Variants in ACVR2A observed in about 807,000 individuals in gnomAD.
ACVR2A encodes the protein activin receptor type-2A.
A neutral mutation model predicts 61.4 loss-of-function variants in ACVR2A; 7 were observed. That is an observed-to-expected ratio of 0.11 (90% CI 0.06 to 0.21). ACVR2A has a LOEUF of 0.21. ACVR2A is among the 10% of genes least tolerant of loss of function. ACVR2A has a pLI of 1.00. For missense variants in ACVR2A, 322 were observed against 621.7 expected (o/e 0.52, Z 5.13); for synonymous variants, 193 against 208.3 (o/e 0.93, Z 0.63).
At chr2:147,922,704 C>T (rs1687413417) in intron 8 of ACVR2A, among the ~76,000 whole-genome samples, 1 of 151,966 alleles carries the variant, frequency 6.6e-6, no homozygotes, top group African/African-American at 2.4e-5. Flanking sequence ...GAAAAGTATG[C>T]AGCATCCTTC....
chr2:147,855,447 G>A (rs1164794138), intron 1 of ACVR2A, among the ~76,000 whole-genome samples: 5 of 152,188 alleles, frequency 3.3e-5, no homozygotes. Flanking sequence ...TTAAGGAAGA[G>A]CAGATCTGGG....
intron 2 of ACVR2A, 128 bp downstream of exon 2, chr2:147,896,636 T>C (rs1686739614): frequency 7.6e-6 from 6 of 790,496 alleles, no homozygotes; most frequent in Non-Finnish European, 1.0e-5. Flanking sequence ...AATGGGATTA[T>C]AAAGAACATT....
intron 1 of ACVR2A, among the ~76,000 whole-genome samples, chr2:147,863,704 G>A (rs1368025587): frequency 6.6e-6 from 1 of 152,186 alleles, no homozygotes; most frequent in Non-Finnish European, 1.5e-5. Flanking sequence ...GGCAGAGGTA[G>A]AAGAAAGTCT....
Position 147,870,173 on chromosome 2 carries a change from A to T in ACVR2A, c.55+24966A>T, listed in dbSNP as rs1685973827. Among the ~76,000 whole-genome samples the T allele has an allele frequency of 2.0e-5, 3 of 152,108 alleles. No individual in the cohort carries two copies. The South Asian group carries it at 6.2e-4, about 32-fold the overall frequency. On this transcript the variant is annotated intron_variant, in intron 1 of 10. Transcript: ENST00000241416. Reference sequence around the variant, plus strand: ...GTATTCTCTAAAGCAAAATAAAAAAATTAGTAGAGTGAAAAATGTCTGACC... The same window carrying T: ...GTATTCTCTAAAGCAAAATAAAAAATTTAGTAGAGTGAAAAATGTCTGACC...
chr2:147,892,310 A>G (rs1292346563), intron 1 of ACVR2A, among the ~76,000 whole-genome samples: 1 of 151,500 alleles, frequency 6.6e-6, no homozygotes, highest in Non-Finnish European at 1.5e-5. Context: ...ACCAGAACAT[A>G]GTTTGCACTG....
At chr2:147,923,491 T>C (rs1380896023) in intron 9 of ACVR2A, among the ~76,000 whole-genome samples, 2 of 152,076 alleles carry the variant, frequency 1.3e-5, no homozygotes, top group African/African-American at 4.8e-5. Context: ...GATCCAGACA[T>C]AGGGAGAGGT....
chr2:147,851,241 C>T (rs953638906), intron 1 of ACVR2A, among the ~76,000 whole-genome samples: 1 of 152,054 alleles, frequency 6.6e-6, no homozygotes, highest in Non-Finnish European at 1.5e-5. Flanking sequence ...GGTCCTTCAT[C>T]GTTTGGTTCC....
chr2:147,876,771 G>A (rs1218455312), intron 1 of ACVR2A, among the ~76,000 whole-genome samples: 2 of 152,168 alleles, frequency 1.3e-5, no homozygotes, highest in East Asian at 3.8e-4. Context: ...AGTTCCACTA[G>A]GAATTGGTCT....
At chr2:147,908,299 A>T (rs1476718770) in intron 4 of ACVR2A, among the ~76,000 whole-genome samples, 1 of 152,142 alleles carries the variant, frequency 6.6e-6, no homozygotes, top group Non-Finnish European at 1.5e-5. Context: ...TTAAGCATCA[A>T]CCCCAAAAAG....
At chr2:147,882,096 T>G (rs1031463527) in intron 1 of ACVR2A, among the ~76,000 whole-genome samples, 3 of 152,208 alleles carry the variant, frequency 2.0e-5, no homozygotes, top group African/African-American at 7.2e-5. Flanking sequence ...GAAAGAGATT[T>G]GAGAAATTGA....
intron 2 of ACVR2A, among the ~76,000 whole-genome samples, chr2:147,897,993 T>C (rs749586005): frequency 4.6e-5 from 7 of 152,182 alleles, no homozygotes; most frequent in Non-Finnish European, 8.8e-5. Flanking sequence ...CAGGGATTCC[T>C]ATTCTTTTTT....
At chr2:147,878,001 T>C (rs752870331) in intron 1 of ACVR2A, among the ~76,000 whole-genome samples, 5 of 152,214 alleles carry the variant, frequency 3.3e-5, no homozygotes, top group Non-Finnish European at 7.3e-5. Context: ...TGAATACTTA[T>C]AGTAGAAGCT....
intron 4 of ACVR2A, chr2:147,900,670 T>C (rs1298527584): frequency 6.6e-6 from 1 of 152,046 alleles, no homozygotes; most frequent in South Asian, 2.1e-4. Context: ...GTTAGTATTC[T>C]ACAGGTCTAC....
chr2:147,885,242 CT>C (rs1328151280), intron 1 of ACVR2A, among the ~76,000 whole-genome samples: 1 of 152,040 alleles, frequency 6.6e-6, no homozygotes, highest in African/African-American at 2.4e-5. Flanking sequence ...AAAAAGTCAT[CT>C]TATATTTGAG....
intron 1 of ACVR2A, among the ~76,000 whole-genome samples, chr2:147,851,570 CT>C (rs1685452258): frequency 6.6e-6 from 1 of 152,072 alleles, no homozygotes; most frequent in Non-Finnish European, 1.5e-5. Flanking sequence ...GTACATATTA[CT>C]CTTCCTCTTC....
At position 147,927,201 on chromosome 2, in the gene ACVR2A, C is replaced by G. The variant is rs367648716; in HGVS notation, c.1469C>G (p.Thr490Ser). Residue 490 changes from threonine (T) to serine (S), a missense_variant, in exon 11 of 11, where the codon ACC becomes AGC. Physicochemically the swap from Thr to Ser is moderately conservative, Grantham distance 58. This residue lies in a region of ACVR2A where 34 missense variants were observed against 37.6 expected (regional missense o/e 0.91). Transcript: ENST00000241416. ...TQMQRLTNII[T>S]TEDIVTVVTM... ...ATGCAGAGACTAACAAATATTATTA[C>G]CACAGAGGACATTGTAACAGTGGTC... 6.2e-7 allele frequency: 1 copy of G among 1,612,068 alleles called. No individual in the cohort carries two copies. The highest frequency in any genetic ancestry group is 1.1e-5 in the South Asian group (1 of 91,024).
At chr2:147,892,015 A>G (rs1686598786) in intron 1 of ACVR2A, among the ~76,000 whole-genome samples, 1 of 151,782 alleles carries the variant, frequency 6.6e-6, no homozygotes. Context: ...TCTGTTGCCC[A>G]GGCTGGCGTG....
chr2:147,857,560 C>T (rs1352286444), intron 1 of ACVR2A, among the ~76,000 whole-genome samples: 2 of 142,302 alleles, frequency 1.4e-5, no homozygotes. Flanking sequence ...AACAAAAAAA[C>T]CCCTAACACT....
At position 147,899,913 on chromosome 2, in the gene ACVR2A, T is replaced by G. The variant is rs1475133312; in HGVS notation, c.528+15T>G. ...TTCCAACTCAAGTAAGTTATTGTCC[T>G]GTACTTTGTAGTGTTTTAAATTGTA... On this transcript the variant is annotated intron_variant, in intron 4 of 10. Transcript: ENST00000241416. 1 of 1,611,804 alleles carries G rather than the reference T, an allele frequency of 6.2e-7. No homozygotes were observed. The highest frequency in any genetic ancestry group is 1.3e-5 in the African/African-American group (1 of 74,970).
Sources: allele counts gnomAD v4.1 joint callset (sites outside exome capture counted in the v4.1 genomes callset), GRCh38; gene constraint gnomAD v4.1.1; regional missense constraint gnomAD v4.1.1; transcripts MANE v1.5; gene names NCBI Gene and HGNC (gene_info 2026-07-23, HGNC 2026-07-21).